Variants in ALDH1A1 observed in about 807,000 individuals in gnomAD.
ALDH1A1 encodes the protein aldehyde dehydrogenase 1A1.
Under a neutral mutation model 62.1 loss-of-function variants are expected in ALDH1A1, and 19 were observed. That is an observed-to-expected ratio of 0.31 (90% CI 0.21 to 0.45). The LOEUF is 0.45. Among genes scored for constraint, ALDH1A1 ranks in the 20% least tolerant of loss-of-function variants. The pLI is 1.00. For missense variants in ALDH1A1, 521 were observed against 607.1 expected, an observed-to-expected ratio of 0.86 and a Z score of 1.49; for synonymous variants, 231 against 215.9, an observed-to-expected ratio of 1.07 and a Z score of -0.61.
At chr9:72,927,429 C>A (rs375151452) in intron 4 of ALDH1A1, among the ~76,000 whole-genome samples, 75 of 151,954 alleles carry the variant, frequency 4.9e-4, no homozygotes, top group African/African-American at 1.7e-3. Context: ...AATAGTAATT[C>A]GAAATGATAG....
chr9:72,948,035 C>A (rs527939157), intron 1 of ALDH1A1, among the ~76,000 whole-genome samples: 15 of 151,998 alleles, frequency 9.9e-5, no homozygotes, highest in African/African-American at 3.6e-4. Context: ...CACAAATTAC[C>A]TCACTTAATT....
At chr9:72,943,445 C>G (rs995553082) in intron 1 of ALDH1A1, among the ~76,000 whole-genome samples, 3 of 152,122 alleles carry the variant, frequency 2.0e-5, no homozygotes, top group African/African-American at 7.2e-5. Context: ...AAAACTGCCA[C>G]TTTAGATTAA....
intron 7 of ALDH1A1, among the ~76,000 whole-genome samples, chr9:72,921,127 G>A (rs1830136500): frequency 6.6e-6 from 1 of 151,430 alleles, no homozygotes; most frequent in African/African-American, 2.4e-5. Context: ...GGCGCCTGTA[G>A]TCCCAGCTAC....
chr9:72,922,419 A>C (rs1424835035), intron 7 of ALDH1A1, among the ~76,000 whole-genome samples: 1 of 152,134 alleles, frequency 6.6e-6, no homozygotes, highest in Non-Finnish European at 1.5e-5. Flanking sequence ...TGGATGAGCG[A>C]AGACAAACTG....
chr9:72,940,198 A>C lies in ALDH1A1; in HGVS notation c.121T>G (p.Phe41Val), dbSNP rs1469495612. ...AGCTCCTCCTCAGTTGCAGGATTAA[A>C]GACAGGAAATTTCTTGCCACTCACT... ...DSVSGKKFPV[F>V]NPATEEELCQ... The change falls in exon 2 of 13, where the codon TTT (phenylalanine) becomes GTT (valine). Residue 41 changes from phenylalanine to valine, a missense_variant. Coordinates refer to ENST00000297785, the MANE Select transcript of ALDH1A1 (RefSeq NM_000689.5). 6.2e-7 allele frequency: 1 copy of C among 1,613,884 alleles called. No individual in the cohort carries two copies. Among genetic ancestry groups the C allele is most frequent in the African/African-American group, 1.3e-5 (1 of 75,038 alleles).
At chr9:72,934,447 A>C (rs1474218514) in intron 2 of ALDH1A1, among the ~76,000 whole-genome samples, 1 of 152,028 alleles carries the variant, frequency 6.6e-6, no homozygotes, top group Non-Finnish European at 1.5e-5. Context: ...TTTCATCTAC[A>C]ATCTCAAGGT....
At position 72,950,592 on chromosome 9, in the gene ALDH1A1, T is replaced by C. The variant is rs8187873; in HGVS notation, c.66+2343A>G. On this transcript the variant is annotated intron_variant, in intron 1 of 12. Coordinates refer to ENST00000297785, the MANE Select transcript of ALDH1A1 (RefSeq NM_000689.5). Reference sequence around the variant, plus strand: ...GCATCAATAAATTCTTTTGTTTGGGTGAAAAGCAGTCCCAAGCTTGAGAGT... The same window carrying C: ...GCATCAATAAATTCTTTTGTTTGGGCGAAAAGCAGTCCCAAGCTTGAGAGT... Among the ~76,000 whole-genome samples, 636 of 151,906 alleles carry C rather than the reference T, an allele frequency of 4.2e-3. 7 individuals are homozygous for C. The highest frequency in any genetic ancestry group is 0.014 in the African/African-American group (601 of 41,510).
In ALDH1A1 at chr9:72,940,180, C is replaced by T. The variant is rs1830399434; in HGVS notation, c.139G>A (p.Glu47Lys). The T allele has an allele frequency of 1.9e-6, 3 of 1,613,432 alleles. No individual in the cohort carries two copies. In the African/African-American group the frequency reaches 4.0e-5, roughly 22 times the overall value. Residue 47 changes from glutamate to lysine, a missense_variant, in exon 2 of 13, where the codon GAG becomes AAG. Physicochemically the swap from Glu to Lys is moderately conservative, Grantham distance 56 (BLOSUM62 1). Coordinates refer to ENST00000297785, the MANE Select transcript of ALDH1A1 (RefSeq NM_000689.5). ...KFPVFNPATE[E>K]ELCQVEEGDK... ...CCTTCTTCTACCTGGCAGAGCTCCT[C>T]CTCAGTTGCAGGATTAAAGACAGGA...
At chr9:72,918,880 T>C in intron 7 of ALDH1A1, 58 bp from the exon 8 acceptor site, 2 of 1,246,452 alleles carry the variant, frequency 1.6e-6, no homozygotes, top group Non-Finnish European at 2.3e-6. Flanking sequence ...CACAGGTTGC[T>C]TTAGCATTCT....
At chr9:72,928,229 T>G (rs1830235575) in intron 4 of ALDH1A1, among the ~76,000 whole-genome samples, 1 of 151,888 alleles carries the variant, frequency 6.6e-6, no homozygotes, top group Non-Finnish European at 1.5e-5. Flanking sequence ...CCACCCATAC[T>G]GTTTCCTAAA....
intron 6 of ALDH1A1, among the ~76,000 whole-genome samples, chr9:72,925,134 C>T (rs1465965991): frequency 6.6e-6 from 1 of 152,174 alleles, no homozygotes; most frequent in Admixed American, 6.5e-5. Flanking sequence ...AAACACTAGG[C>T]CATCAGTGGC....
At chr9:72,908,583 G>GA (rs1310285541) in intron 11 of ALDH1A1, among the ~76,000 whole-genome samples, 1 of 129,100 alleles carries the variant, frequency 7.7e-6, no homozygotes, top group Non-Finnish European at 1.7e-5. Flanking sequence ...AAGAAAGAAA[G>GA]AAAGAAAGAA....
rs191859227 is a variant in ALDH1A1 at position 72,933,391 on chromosome 9, C to T, written c.172-2372G>A. Among the ~76,000 whole-genome samples, 226 of 152,170 alleles carry T rather than the reference C, an allele frequency of 1.5e-3. 3 individuals are homozygous for T. Among genetic ancestry groups the T allele is most frequent in the African/African-American group, 5.2e-3 (216 of 41,526 alleles). On this transcript the variant is annotated intron_variant, in intron 2 of 12. Coordinates refer to ENST00000297785, the MANE Select transcript of ALDH1A1 (RefSeq NM_000689.5). ...TTATAAACCATGAAATATGTTGTGG[C>T]ATGACTTCTCTAAGGTTCAGCTTTC...
chr9:72,903,433 T>C (rs1489133554), intron 12 of ALDH1A1, among the ~76,000 whole-genome samples: 4 of 152,044 alleles, frequency 2.6e-5, no homozygotes, highest in African/African-American at 9.7e-5. Flanking sequence ...TGATCAATTC[T>C]CTCTATTGTT....
intron 12 of ALDH1A1, 52 bp from the exon 13 acceptor site, chr9:72,901,332 A>C (rs1024605403): frequency 1.2e-5 from 15 of 1,244,950 alleles, no homozygotes; most frequent in Non-Finnish European, 1.6e-5. Context: ...AGCAGTATAA[A>C]TATACTGTAG....
intron 11 of ALDH1A1, among the ~76,000 whole-genome samples, chr9:72,908,581 AAGAAAGAAAGAAAGAAAG>A (rs1829927275): frequency 7.5e-6 from 1 of 133,602 alleles, no homozygotes; most frequent in East Asian, 2.2e-4. Context: ...GAAAGAAAGA[AAGAAAGAAAGAAAGAAAG>A]AAAGAAAGAA....
At chr9:72,901,900 C>T (rs1829807918) in intron 12 of ALDH1A1, among the ~76,000 whole-genome samples, 1 of 152,026 alleles carries the variant, frequency 6.6e-6, no homozygotes, top group Non-Finnish European at 1.5e-5. Context: ...TATTTTGCAG[C>T]AGTAGTTTCA....
rs879140857 is a variant in ALDH1A1 at position 72,909,763 on chromosome 9, T to A, written c.1201-4A>T. On this transcript the variant is annotated splice_region_variant and splice_polypyrimidine_tract_variant and intron_variant, in intron 10 of 12. Coordinates refer to ENST00000297785, the MANE Select transcript of ALDH1A1 (RefSeq NM_000689.5). ...TTTGCTGCACTGGTCCAAAAATCTA[T>A]ACCACAAGAAATAAATAAGTAAAAA... is the stretch of plus-strand genomic sequence containing the variant. 6.3e-7 allele frequency: 1 copy of A among 1,598,580 alleles called. No homozygotes were observed. The highest frequency in any genetic ancestry group is 8.5e-7 in the Non-Finnish European group (1 of 1,171,620).
At chr9:72,921,588 T>C (rs994248890) in intron 7 of ALDH1A1, among the ~76,000 whole-genome samples, 11 of 146,438 alleles carry the variant, frequency 7.5e-5, no homozygotes, top group African/African-American at 2.7e-4. Flanking sequence ...GTTAGTTACA[T>C]ATGTATACAT....
Sources: allele counts gnomAD v4.1 joint callset (sites outside exome capture counted in the v4.1 genomes callset), GRCh38; gene constraint gnomAD v4.1.1; transcripts MANE v1.5; gene names NCBI Gene and HGNC (gene_info 2026-07-23, HGNC 2026-07-21).